Variants in ASIC1 observed in about 807,000 individuals in gnomAD.
ASIC1 encodes the protein acid sensing ion channel subunit 1, also known as acid-sensing ion channel 1.
Under a neutral mutation model 63.4 loss-of-function variants are expected in ASIC1, and 21 were observed. The ratio of observed to expected loss-of-function variants is 0.33; its 90% CI spans 0.23 to 0.48. ASIC1 has a LOEUF of 0.48. Ranked by LOEUF, ASIC1 falls within the 20% of genes least tolerant of loss-of-function variation. The pLI is 0.99. For missense variants in ASIC1, 478 were observed against 695.5 expected (o/e 0.69, Z 3.52); for synonymous variants, 258 against 278.2 (o/e 0.93, Z 0.72).
chr12:50,062,133 A>G (rs1950506381), intron 3 of ASIC1, among the ~76,000 whole-genome samples: 1 of 152,096 alleles, frequency 6.6e-6, no homozygotes, highest in Non-Finnish European at 1.5e-5. Flanking sequence ...AGCTCTACCC[A>G]TAGGGATGTT....
At chr12:50,068,840 C>T (rs1342793985) in intron 3 of ASIC1, among the ~76,000 whole-genome samples, 6 of 152,166 alleles carry the variant, frequency 3.9e-5, no homozygotes, top group African/African-American at 1.4e-4. Flanking sequence ...CCACTCTACC[C>T]CCTGTTCCGG....
intron 3 of ASIC1, among the ~76,000 whole-genome samples, chr12:50,060,820 C>T (rs1950494436): frequency 2.0e-5 from 3 of 152,222 alleles, no homozygotes; most frequent in Admixed American, 2.0e-4. Context: ...AGACCAGAGG[C>T]TCCAGAGCCA....
At chr12:50,065,499 C>T (rs1036719264) in intron 3 of ASIC1, among the ~76,000 whole-genome samples, 4 of 152,220 alleles carry the variant, frequency 2.6e-5, no homozygotes, top group Admixed American at 1.3e-4. Flanking sequence ...GCCAAGCCCA[C>T]GGTGCCCCAT....
chr12:50,070,434 G>A (rs907401171), intron 3 of ASIC1, among the ~76,000 whole-genome samples: 1 of 151,968 alleles, frequency 6.6e-6, no homozygotes. Context: ...GGGTGTGTGT[G>A]TCGCCCCACA....
chr12:50,058,169 C>A (rs977187925), intron 1 of ASIC1, among the ~76,000 whole-genome samples: 89 of 152,214 alleles, frequency 5.8e-4, no homozygotes, highest in Admixed American at 1.0e-3. Context: ...CGCCACCCCC[C>A]ACTCCCAACA....
rs951505044 is a variant in ASIC1, at chr12:50,073,831, G to T, written c.559-3382G>T. Reference sequence around the variant, plus strand: ...TGGCACCAACCACATTTTTGTGGAGGGGGGTCCAGGGCCAAGGCAGGTGCT... The same window carrying T: ...TGGCACCAACCACATTTTTGTGGAGTGGGGTCCAGGGCCAAGGCAGGTGCT... On this transcript the variant is annotated intron_variant, in intron 3 of 11. Coordinates refer to ENST00000447966, the MANE Select transcript of ASIC1 (RefSeq NM_001095.4). The T allele has an allele frequency of 1.9e-4, 285 of 1,531,392 alleles. 1 individual carries two copies. The highest frequency in any genetic ancestry group is 2.2e-4 in the Non-Finnish European group (255 of 1,143,460). 94.9% of individuals were successfully genotyped at this position (1,531,392 alleles called of 1,614,324 possible). A position where few individuals can be genotyped will look rare whatever the true frequency, so the allele number is the denominator to read the frequency against.
At chr12:50,072,886 T>C (rs1433565300) in intron 3 of ASIC1, among the ~76,000 whole-genome samples, 1 of 150,566 alleles carries the variant, frequency 6.6e-6, no homozygotes, top group Non-Finnish European at 1.5e-5. Flanking sequence ...TGTCCTGAAA[T>C]AGAGCTGGGG....
chr12:50,059,709 G>A lies in ASIC1; in HGVS notation c.363-50G>A. ...GCCCCCATCACCCAAGTTGGGTGCA[G>A]GACACTGATGACTGTACTGACCCGT... On this transcript the variant is annotated intron_variant, in intron 2 of 11. Transcript: ENST00000447966. The surrounding 1 kb of genome is among the most constrained non-coding windows in gnomAD (Gnocchi z 4.6). 1 of 1,574,806 alleles carries A rather than the reference G, an allele frequency of 6.3e-7. No homozygotes were observed. Among genetic ancestry groups the A allele is most frequent in the Middle Eastern group, 1.7e-4 (1 of 5,980 alleles).
At position 50,077,241 on chromosome 12, in the gene ASIC1, C is replaced by T. The variant is rs755008406; in HGVS notation, c.587C>T (p.Thr196Met). The change falls in exon 4 of 12, where the codon ACG becomes ATG. Residue 196 changes from threonine to methionine, a missense_variant. Transcript: ENST00000447966. ...VVFTRYGKCYTFNSGRDGRPR... is the reference protein window; with the variant it reads ...VVFTRYGKCYMFNSGRDGRPR... ...TTCACACGCTATGGAAAGTGCTACA[C>T]GTTCAACTCGGGCCGAGATGGGCGG... 1.4e-5 allele frequency: 22 copies of T among 1,612,786 alleles called. No homozygotes were observed. Among genetic ancestry groups the T allele is most frequent in the East Asian group, 6.7e-5 (3 of 44,886 alleles).
rs143753805 is a variant in ASIC1, at chr12:50,073,227, C to T, written c.559-3986C>T. Among the ~76,000 whole-genome samples the T allele has an allele frequency of 2.0e-5, 3 of 152,252 alleles. No homozygotes were observed. The East Asian group carries it at 5.8e-4, about 29-fold the overall frequency. On this transcript the variant is annotated intron_variant, in intron 3 of 11. Transcript: ENST00000447966. ...GGGTTCCAGGAATCCCAGCCCTAGG[C>T]TTTTCCAGGGTTTCCACTCTGTCCT...
chr12:50,079,878 G>A, intron 7 of ASIC1, 24 bp from the exon 8 acceptor site: 1 of 1,583,822 alleles, frequency 6.3e-7, no homozygotes, highest in Non-Finnish European at 8.6e-7. Context: ...ACTCAACTGA[G>A]ACCTCTCACC....
intron 9 of ASIC1, 102 bp downstream of exon 9, chr12:50,080,691 C>T: frequency 6.2e-7 from 1 of 1,614,046 alleles, no homozygotes; most frequent in Non-Finnish European, 8.5e-7. Flanking sequence ...TGAGGGTCCT[C>T]CACCCCAGAG....
chr12:50,058,596 T>G (rs1258962110), intron 1 of ASIC1, among the ~76,000 whole-genome samples, 155 bp from the exon 2 acceptor site: 3 of 152,220 alleles, frequency 2.0e-5, no homozygotes, highest in African/African-American at 7.2e-5. Context: ...ATGTGTCCCT[T>G]GGTCAGCCAC....
At chr12:50,073,646 T>C (rs1950621528) in intron 3 of ASIC1, 16 of 1,536,052 alleles carry the variant, frequency 1.0e-5, no homozygotes, top group Non-Finnish European at 1.4e-5. Context: ...CCAGGGCCCT[T>C]GGGAGATATT....
Position 50,080,480 on chromosome 12 carries a change from C to T in ASIC1, c.1206-18C>T. 4 of 1,612,062 alleles carry T rather than the reference C, an allele frequency of 2.5e-6. No individual in the cohort carries two copies. Among genetic ancestry groups the T allele is most frequent in the Non-Finnish European group, 2.5e-6 (3 of 1,178,436 alleles). Reference sequence around the variant, plus strand: ...GATATGACTTGAACCTAGGTCTCCTCCCCCAATCCCTGTGCAGGGAGAACA... The same window carrying T: ...GATATGACTTGAACCTAGGTCTCCTTCCCCAATCCCTGTGCAGGGAGAACA... On this transcript the variant is annotated intron_variant, in intron 8 of 11. Transcript: ENST00000447966.
chr12:50,058,133 C>G (rs991313964), intron 1 of ASIC1, among the ~76,000 whole-genome samples: 6 of 152,020 alleles, frequency 3.9e-5, no homozygotes, highest in South Asian at 4.1e-4. Flanking sequence ...CCGCGCCCCC[C>G]CTCCATACAT....
At chr12:50,070,407 C>CGTGTGT (rs139101187) in intron 3 of ASIC1, among the ~76,000 whole-genome samples, 1 of 149,408 alleles carries the variant, frequency 6.7e-6, no homozygotes, top group Non-Finnish European at 1.5e-5. Flanking sequence ...TGTGTTGGGG[C>CGTGTGT]GTGTGTGTGT....
At chr12:50,067,740 T>C (rs981161775) in intron 3 of ASIC1, among the ~76,000 whole-genome samples, 2 of 152,142 alleles carry the variant, frequency 1.3e-5, no homozygotes, top group South Asian at 4.1e-4. Context: ...TTTTTTGAAC[T>C]ATTCGCTTTC....
At chr12:50,071,539 C>T (rs1250239244) in intron 3 of ASIC1, among the ~76,000 whole-genome samples, 1 of 152,076 alleles carries the variant, frequency 6.6e-6, no homozygotes, top group African/African-American at 2.4e-5. Flanking sequence ...ACCTCGACCT[C>T]CCAAAGTGCT....
Sources: gnomAD v4.1 joint callset for allele counts (sites outside exome capture counted in the v4.1 genomes callset) on GRCh38, gnomAD v4.1.1 for gene constraint, Gnocchi (gnomAD v3.1) non-coding constraint, MANE v1.5 for transcripts, NCBI Gene and HGNC (gene_info 2026-07-23, HGNC 2026-07-21) for gene names.